The following MBTPS1 variants were observed in gnomAD, a reference collection of about 807,000 sequenced individuals.
MBTPS1 encodes the protein membrane-bound transcription factor site-1 protease.
Under a neutral mutation model 127.8 loss-of-function variants are expected in MBTPS1, and 94 were observed. The observed-to-expected ratio is 0.74, with a 90% CI of 0.62 to 0.87. The LOEUF (loss-of-function observed/expected upper bound fraction) is 0.87. Ranked by LOEUF, MBTPS1 falls within the 40% of genes least tolerant of loss-of-function variation. The pLI is 0.00. For synonymous variants in MBTPS1, 632 were observed against 509.4 expected (o/e 1.24, Z -3.24); for missense variants, 1,636 against 1,353.2 (o/e 1.21, Z -3.28).
At chr16:84,066,712 A>G in intron 16 of MBTPS1, 99 bp from the exon 17 acceptor site, 1 of 1,215,750 alleles carries the variant, frequency 8.2e-7, no homozygotes, top group Non-Finnish European at 1.2e-6. Flanking sequence ...TCCTGCCACA[A>G]TCCAGTCCTT....
intron 6 of MBTPS1, 96 bp downstream of exon 6, chr16:84,093,092 T>G: frequency 1.2e-6 from 1 of 836,122 alleles, no homozygotes; most frequent in Middle Eastern, 2.3e-4. Flanking sequence ...GTCACTGACG[T>G]GCACTCCTTT....
At chr16:84,087,302 A>C (rs1350232268) in intron 9 of MBTPS1, 56 bp downstream of exon 9, 1 of 1,383,158 alleles carries the variant, frequency 7.2e-7, no homozygotes, top group Middle Eastern at 1.8e-4. Flanking sequence ...AACCGGTGCC[A>C]CTAGCCACAG....
At chr16:84,070,840 C>A in intron 12 of MBTPS1, 64 bp from the exon 13 acceptor site, 3 of 1,320,038 alleles carry the variant, frequency 2.3e-6, no homozygotes, top group Admixed American at 2.3e-5. Flanking sequence ...CACGTGGAAA[C>A]CAGAAAAACT....
At chr16:84,068,508 GGCAT>G in intron 14 of MBTPS1, 54 bp from the exon 15 acceptor site, 1 of 1,274,030 alleles carries the variant, frequency 7.8e-7, no homozygotes, top group Non-Finnish European at 1.1e-6. Context: ...TGGCAATAAA[GGCAT>G]ATCTGGCCAC....
At chr16:84,061,460 AC>A (rs2085612573) in intron 19 of MBTPS1, 1 of 152,206 alleles carries the variant, frequency 6.6e-6, no homozygotes, top group Admixed American at 6.5e-5. Flanking sequence ...ACCATGTGAC[AC>A]CCACTGAGAA....
At chr16:84,070,520 G>A in intron 13 of MBTPS1, 68 bp downstream of exon 13, 13 of 1,511,194 alleles carry the variant, frequency 8.6e-6, no homozygotes, top group Non-Finnish European at 1.2e-5. Context: ...CAGGCATTTG[G>A]CCTGTCCCTC....
intron 20 of MBTPS1, chr16:84,060,437 G>C (rs2085592355): frequency 2.2e-6 from 1 of 448,676 alleles, no homozygotes. Flanking sequence ...GTGGCGTGAG[G>C]GTCGGGGTGC....
intron 1 of MBTPS1, among the ~76,000 whole-genome samples, chr16:84,114,006 C>T (rs1481107672): frequency 6.7e-6 from 1 of 149,622 alleles, no homozygotes; most frequent in East Asian, 2.0e-4. Context: ...CGCTCTGCCG[C>T]CAGGGTGGAG....
At chr16:84,074,551 C>CT in intron 12 of MBTPS1, 46 bp downstream of exon 12, 1 of 1,598,782 alleles carries the variant, frequency 6.3e-7, no homozygotes, top group Non-Finnish European at 8.5e-7. Flanking sequence ...TGGGCTGTGT[C>CT]TAAGTTCACC....
At chr16:84,057,673 A>C (rs1233202608) in intron 21 of MBTPS1, 3 of 152,256 alleles carry the variant, frequency 2.0e-5, no homozygotes, top group Non-Finnish European at 4.4e-5. Context: ...GGAGACTCAG[A>C]ATATGCGTCG....
At chr16:84,111,195 T>C (rs1484164209) in intron 1 of MBTPS1, among the ~76,000 whole-genome samples, 1 of 142,970 alleles carries the variant, frequency 7.0e-6, no homozygotes, top group Non-Finnish European at 1.5e-5. Context: ...CAAGGGTGTC[T>C]ATAAGAGAGA....
intron 5 of MBTPS1, 110 bp downstream of exon 5, chr16:84,093,601 A>G (rs7204693): frequency 1.1e-4 from 93 of 827,362 alleles, no homozygotes; most frequent in Admixed American, 3.7e-4. Context: ...CAAAAAGCAC[A>G]ATAACACCTT....
At chr16:84,104,097 A>G (rs2086292544) in intron 1 of MBTPS1, among the ~76,000 whole-genome samples, 1 of 152,254 alleles carries the variant, frequency 6.6e-6, no homozygotes, top group Non-Finnish European at 1.5e-5. Flanking sequence ...GACATGAAGC[A>G]TGTATCTAGC....
At chr16:84,107,814 C>T (rs1162808912) in intron 1 of MBTPS1, among the ~76,000 whole-genome samples, 1 of 151,696 alleles carries the variant, frequency 6.6e-6, no homozygotes, top group Non-Finnish European at 1.5e-5. Flanking sequence ...AAGTGATCCT[C>T]CTACCTCAGC....
intron 2 of MBTPS1, 32 bp from the exon 3 acceptor site, chr16:84,099,342 T>C: frequency 6.2e-7 from 1 of 1,604,834 alleles, no homozygotes; most frequent in Non-Finnish European, 8.5e-7. Flanking sequence ...AAAAATAAGA[T>C]TTACGCACAT....
At chr16:84,057,331 A>C (rs2085537041) in intron 21 of MBTPS1, 1 of 152,266 alleles carries the variant, frequency 6.6e-6, no homozygotes, top group African/African-American at 2.4e-5. Flanking sequence ...TTTGTAGCTG[A>C]ATATCTATGG....
At position 84,090,918 on chromosome 16, in the gene MBTPS1, C is replaced by G; in HGVS notation, c.988G>C (p.Val330Leu). 3 of 1,611,982 alleles carry G rather than the reference C, an allele frequency of 1.9e-6. No homozygotes were observed. Among genetic ancestry groups the G allele is most frequent in the Non-Finnish European group, 2.5e-6 (3 of 1,179,082 alleles). ...DKVWELTANN[V>L]IMVSAIGNDG... ...TTGCCAATAGCAGAAACCATGATTACATTGTTAGCTGTTAATTCCCACACC... is the reference window on the plus strand; with the variant it reads ...TTGCCAATAGCAGAAACCATGATTAGATTGTTAGCTGTTAATTCCCACACC... The change falls in exon 8 of 23, where the codon GTA (valine) becomes CTA (leucine). Residue 330 changes from valine to leucine, a missense_variant. Coordinates refer to ENST00000343411, the MANE Select transcript of MBTPS1 (RefSeq NM_003791.4).
intron 11 of MBTPS1, among the ~76,000 whole-genome samples, chr16:84,077,830 T>C (rs1367337020): frequency 6.6e-6 from 1 of 151,984 alleles, no homozygotes; most frequent in Admixed American, 6.5e-5. Context: ...ATCCGCAACA[T>C]GCATCCCTGA....
intron 1 of MBTPS1, among the ~76,000 whole-genome samples, chr16:84,106,225 G>A (rs754873912): frequency 1.1e-4 from 16 of 152,150 alleles, no homozygotes; most frequent in Non-Finnish European, 1.9e-4. Context: ...AACCCAGGAG[G>A]CAGAGGTTGC....
Sources: allele counts gnomAD v4.1 joint callset (sites outside exome capture counted in the v4.1 genomes callset), GRCh38; gene constraint gnomAD v4.1.1; transcripts MANE v1.5; gene names NCBI Gene and HGNC (gene_info 2026-07-23, HGNC 2026-07-21).